DPH6: variants seen among roughly 807,000 people sequenced by gnomAD.
The protein encoded by DPH6 is diphthine--ammonia ligase.
DPH6 carries 33 observed loss-of-function variants against 38.2 expected under a neutral mutation model. The ratio of observed to expected loss-of-function variants is 0.86; its 90% CI spans 0.65 to 1.15. The LOEUF is 1.15. Among genes scored for constraint, DPH6 ranks in the 50% most tolerant of loss-of-function variants. DPH6 has a pLI of 0.00. For missense variants in DPH6, 325 were observed against 320.0 expected, an observed-to-expected ratio of 1.02 and a Z score of -0.12; for synonymous variants, 108 against 103.0, an observed-to-expected ratio of 1.05 and a Z score of -0.30.
intron 6 of DPH6, among the ~76,000 whole-genome samples, chr15:35,387,167 T>C (rs1159025641): frequency 2.0e-5 from 3 of 152,186 alleles, no homozygotes; most frequent in African/African-American, 2.4e-5. Flanking sequence ...TGCGGCATTA[T>C]ATCTGAGGTC....
At position 35,299,557 on chromosome 15, in the gene DPH6, G is replaced by A. The variant is rs766717361; in HGVS notation, n.200+73964C>T. 2.6e-5 allele frequency: 13 copies of A among 497,114 alleles called. No homozygotes were observed. In the South Asian group the frequency reaches 2.7e-4, roughly 10 times the overall value. 30.8% of individuals were successfully genotyped at this position (497,114 alleles called of 1,614,324 possible). A position where few individuals can be genotyped will look rare whatever the true frequency, so the allele number is the denominator to read the frequency against. Reference sequence around the variant, plus strand: ...CGGCACCACCCTCCGCTGAGTCCGCGGGGCGCTGGGCGGCGCGGGGTCAGG... The same window carrying A: ...CGGCACCACCCTCCGCTGAGTCCGCAGGGCGCTGGGCGGCGCGGGGTCAGG... On this transcript the variant is annotated intron_variant and non_coding_transcript_variant, in intron 3 of 3. Transcript: ENST00000560386.
At chr15:35,539,978 G>A (rs191351704) in intron 2 of DPH6, among the ~76,000 whole-genome samples, 2 of 152,004 alleles carry the variant, frequency 1.3e-5, no homozygotes, top group African/African-American at 2.4e-5. Context: ...AAAACCTTTC[G>A]GCCTTCTCTC....
intron 3 of DPH6, among the ~76,000 whole-genome samples, chr15:35,257,772 T>TTGTGTGTGTGTG (rs60955022): frequency 0.1 from 14,948 of 148,584 alleles, 1,049 homozygotes; most frequent in East Asian, 0.3. Context: ...GGTCTCAGCT[T>TTGTGTGTGTGTG]TGTGTGTGTG....
intron 3 of DPH6, among the ~76,000 whole-genome samples, chr15:35,490,778 G>C (rs1231183488): frequency 6.6e-6 from 1 of 152,056 alleles, no homozygotes; most frequent in Non-Finnish European, 1.5e-5. Context: ...ATCTCAGCTT[G>C]CTTTGGGAAT....
intron 6 of DPH6, among the ~76,000 whole-genome samples, chr15:35,400,045 T>A (rs1028975834): frequency 6.6e-6 from 1 of 152,176 alleles, no homozygotes; most frequent in Admixed American, 6.5e-5. Context: ...TGGTTCAGAT[T>A]AGATCAAGTC....
chr15:35,397,089 A>G (rs1203840914), intron 6 of DPH6, among the ~76,000 whole-genome samples: 3 of 152,238 alleles, frequency 2.0e-5, no homozygotes, highest in Non-Finnish European at 2.9e-5. Flanking sequence ...GGAAGTCTGT[A>G]TTTTTAAATA....
chr15:35,174,972 TATG>T, the DPH6 span, among the ~76,000 whole-genome samples: 1 of 152,230 alleles, frequency 6.6e-6, no homozygotes, highest in East Asian at 1.9e-4. Flanking sequence ...CATCTGTATT[TATG>T]TTTTCATCCT....
intron 3 of DPH6, among the ~76,000 whole-genome samples, chr15:35,480,406 C>T (rs2054312978): frequency 6.6e-6 from 1 of 152,044 alleles, no homozygotes; most frequent in African/African-American, 2.4e-5. Context: ...TTCACCAAAA[C>T]AAGCTTTCCA....
intron 5 of DPH6, among the ~76,000 whole-genome samples, chr15:35,433,939 A>G (rs1019907684): frequency 1.3e-5 from 2 of 152,208 alleles, no homozygotes; most frequent in African/African-American, 2.4e-5. Context: ...AAGAGAAAAG[A>G]GAAGGGAGGT....
At chr15:35,299,826 G>A (rs1344160267) in intron 3 of DPH6, among the ~76,000 whole-genome samples, 2 of 152,154 alleles carry the variant, frequency 1.3e-5, no homozygotes, top group East Asian at 3.8e-4. Context: ...TTTTGTGCGT[G>A]CTTGGTATCT....
At chr15:35,351,565 T>G (rs2052511294) in intron 3 of DPH6, among the ~76,000 whole-genome samples, 1 of 152,160 alleles carries the variant, frequency 6.6e-6, no homozygotes, top group Non-Finnish European at 1.5e-5. Context: ...TGTATCCACT[T>G]TACATTATTT....
chr15:35,443,630 T>C (rs2053815547), intron 5 of DPH6, among the ~76,000 whole-genome samples: 2 of 152,148 alleles, frequency 1.3e-5, no homozygotes, highest in Admixed American at 1.3e-4. Flanking sequence ...CCAAGAAATG[T>C]CTCCAAGGTC....
At chr15:35,299,324 T>C (rs997640365) in intron 3 of DPH6, 141 of 1,033,040 alleles carry the variant, frequency 1.4e-4, no homozygotes, top group Non-Finnish European at 2.3e-5. Context: ...GTCCTTTGGC[T>C]CTTTGCCTGA....
intron 3 of DPH6, among the ~76,000 whole-genome samples, chr15:35,500,676 G>A (rs1182658016): frequency 1.3e-5 from 2 of 152,144 alleles, no homozygotes; most frequent in Admixed American, 6.6e-5. Flanking sequence ...GGCCACTCAC[G>A]TGATATCTTC....
chr15:35,225,785 G>GA (rs1270901133), intron 3 of DPH6, among the ~76,000 whole-genome samples: 1 of 152,144 alleles, frequency 6.6e-6, no homozygotes, highest in Non-Finnish European at 1.5e-5. Context: ...ATTATAACAT[G>GA]AGGAGGTATA....
chr15:35,229,429 A>G (rs1390844949), intron 3 of DPH6, among the ~76,000 whole-genome samples: 1 of 152,060 alleles, frequency 6.6e-6, no homozygotes, highest in Non-Finnish European at 1.5e-5. Context: ...TAGCTGATAG[A>G]ATTCCAAATT....
At chr15:35,376,548 T>C (rs2052783434) in intron 7 of DPH6, among the ~76,000 whole-genome samples, 1 of 152,118 alleles carries the variant, frequency 6.6e-6, no homozygotes, top group Non-Finnish European at 1.5e-5. Context: ...GTACAGTGCT[T>C]TTAAAGTCTA....
intron 3 of DPH6, among the ~76,000 whole-genome samples, chr15:35,314,094 A>C (rs1257688217): frequency 6.7e-6 from 1 of 150,312 alleles, no homozygotes; most frequent in Non-Finnish European, 1.5e-5. Flanking sequence ...CAAACAACTC[A>C]ATAGCAAAAA....
chr15:35,166,563 C>G, the DPH6 span, among the ~76,000 whole-genome samples: 4 of 152,004 alleles, frequency 2.6e-5, no homozygotes, highest in South Asian at 8.3e-4. Flanking sequence ...AATGATTTTC[C>G]AGCTCAAAAA....
Sources: allele counts gnomAD v4.1 joint callset (sites outside exome capture counted in the v4.1 genomes callset), GRCh38; gene constraint gnomAD v4.1.1; transcripts MANE v1.5; gene names NCBI Gene and HGNC (gene_info 2026-07-23, HGNC 2026-07-21).